The following RAB9B variants were observed in gnomAD, a reference collection of about 807,000 sequenced individuals.
The protein encoded by RAB9B is ras-related protein Rab-9B.
RAB9B carries 1 observed loss-of-function variant against 8.9 expected under a neutral mutation model. That is an observed-to-expected ratio of 0.11 (90% CI 0.04 to 0.53). The LOEUF is 0.53. RAB9B is among the 20% of genes least tolerant of loss of function. The pLI, the probability that RAB9B is intolerant of heterozygous loss-of-function variation, is 0.93. For synonymous variants in RAB9B, 63 were observed against 57.0 expected (o/e 1.10, Z -0.47); for missense variants, 82 against 152.9 (o/e 0.54, Z 2.45).
chrX:103,778,923 C>T, the RAB9B span, among the ~76,000 whole-genome samples: 1 of 112,101 alleles, frequency 8.9e-6, no homozygotes, highest in African/African-American at 3.2e-5. Flanking sequence ...AGCCAACCTT[C>T]AATGCGGGAT....
At chrX:103,819,509 G>A (rs2074651773), downstream of RAB9B, among the ~76,000 whole-genome samples, 1 of 111,194 alleles carries the variant, frequency 9.0e-6, no homozygotes, top group African/African-American at 3.3e-5. Flanking sequence ...TACAGGTGAC[G>A]ACGCCACATC....
At chrX:103,830,204 G>T (rs1393131176) in intron 1 of RAB9B, among the ~76,000 whole-genome samples, 4 of 110,462 alleles carry the variant, frequency 3.6e-5, no homozygotes, top group Non-Finnish European at 7.6e-5. Flanking sequence ...TTGTCGGTGG[G>T]TGCTGGCCTC....
At chrX:103,797,582 G>A in the RAB9B span, among the ~76,000 whole-genome samples, 1 of 111,709 alleles carries the variant, frequency 9.0e-6, no homozygotes, top group East Asian at 2.8e-4. Context: ...GAGCCTGATT[G>A]GTTGAGGCAG....
chrX:103,786,782 G>T, the RAB9B span: 1 of 1,156,485 alleles, frequency 8.6e-7, no homozygotes, highest in Non-Finnish European at 1.2e-6. Flanking sequence ...AATTGGGCGC[G>T]AGTCTGTGGC....
At chrX:103,820,400 G>T (rs150736411), downstream of RAB9B, among the ~76,000 whole-genome samples, 39 of 112,033 alleles carry the variant, frequency 3.5e-4, 1 homozygote, top group East Asian at 7.0e-3. Flanking sequence ...TGAAAGTAGA[G>T]ATGTCCATCC....
At chrX:103,829,278 T>C (rs956841408) in intron 1 of RAB9B, among the ~76,000 whole-genome samples, 2 of 111,839 alleles carry the variant, frequency 1.8e-5, no homozygotes, top group African/African-American at 6.5e-5. Context: ...ATCTCAGCAT[T>C]GAAGGGACCT....
chrX:103,785,078 C>CT, the RAB9B span, among the ~76,000 whole-genome samples: 213 of 105,878 alleles, frequency 2.0e-3, 2 homozygotes, highest in East Asian at 0.021. Flanking sequence ...TTCTTTCTTT[C>CT]TTTTTTTTTT....
chrX:103,786,683 G>A, the RAB9B span: 2 of 1,211,129 alleles, frequency 1.7e-6, no homozygotes, highest in Non-Finnish European at 1.1e-6. Context: ...TCTTTGGAGC[G>A]GGTGTGTCAT....
the RAB9B span, chrX:103,792,310 A>C: frequency 8.9e-6 from 1 of 112,468 alleles, no homozygotes; most frequent in Non-Finnish European, 1.9e-5. Context: ...TCCAGGCTGC[A>C]TAGAAGGAGG....
At chrX:103,815,597 A>G in the RAB9B span, among the ~76,000 whole-genome samples, 2 of 112,186 alleles carry the variant, frequency 1.8e-5, no homozygotes, top group African/African-American at 6.5e-5. Context: ...ATCAGGCAAG[A>G]AAAAGCAATA....
chrX:103,795,810 A>G, the RAB9B span, among the ~76,000 whole-genome samples: 1 of 112,316 alleles, frequency 8.9e-6, no homozygotes, highest in Non-Finnish European at 1.9e-5. Context: ...ACAAGCTCAG[A>G]GTGGTCTTAG....
At chrX:103,781,445 T>C in the RAB9B span, 3 of 207,052 alleles carry the variant, frequency 1.4e-5, no homozygotes, top group Non-Finnish European at 2.9e-5. Context: ...TAGCCAACCA[T>C]GACATGATCT....
intron 2 of RAB9B, among the ~76,000 whole-genome samples, chrX:103,826,513 G>C (rs2074683979): frequency 8.9e-6 from 1 of 111,884 alleles, no homozygotes; most frequent in African/African-American, 3.2e-5. Context: ...ATCTTGAATA[G>C]CTTATTAGTT....
the RAB9B span, among the ~76,000 whole-genome samples, chrX:103,805,263 C>A: frequency 9.0e-6 from 1 of 111,018 alleles, no homozygotes; most frequent in Admixed American, 9.6e-5. Flanking sequence ...CATTTTTTAC[C>A]CTTATTCTAA....
the RAB9B span, among the ~76,000 whole-genome samples, chrX:103,793,072 T>C: frequency 8.9e-6 from 1 of 112,100 alleles, no homozygotes. Context: ...ACGTGACTAA[T>C]ATTTAGTTTT....
At chrX:103,780,435 C>G in the RAB9B span, among the ~76,000 whole-genome samples, 2,225 of 68,338 alleles carry the variant, frequency 0.033, 64 homozygotes, top group African/African-American at 0.14. Flanking sequence ...CATTCTGTCT[C>G]TCTCTGTGTG....
In RAB9B at chrX:103,825,181, A is replaced by C. The variant is rs1266097474; in HGVS notation, c.604T>G (p.Ter202GluextTer2). ...CATTTTTAAAAGGCTCCCTATCTTT[A>C]ACAGCACGAAGACCCTGCTTTGGAG... ...SGSKAGSSCC[*>E] is the part of the protein sequence containing the mutation. The change falls in exon 3 of 3, where the codon TAA (stop) becomes GAA (glutamate). Residue 202 changes from the stop codon to glutamate (E), a stop_lost. Coordinates refer to ENST00000243298, the MANE Select transcript of RAB9B (RefSeq NM_016370.4). 8.3e-7 allele frequency: 1 copy of C among 1,202,652 alleles called. No homozygotes were observed. The highest frequency in any genetic ancestry group is 1.1e-6 in the Non-Finnish European group (1 of 891,940).
chrX:103,778,494 G>A, the RAB9B span, among the ~76,000 whole-genome samples: 1 of 111,466 alleles, frequency 9.0e-6, no homozygotes, highest in East Asian at 2.8e-4. Context: ...TGGATAGGTT[G>A]TGCATTAAAA....
chrX:103,790,179 C>A, the RAB9B span, among the ~76,000 whole-genome samples: 1 of 112,239 alleles, frequency 8.9e-6, no homozygotes, highest in South Asian at 3.7e-4. Context: ...ACAGCAAGCA[C>A]CCTATGACTC....
Sources: gnomAD v4.1 joint callset for allele counts (sites outside exome capture counted in the v4.1 genomes callset) on GRCh38, gnomAD v4.1.1 for gene constraint, MANE v1.5 for transcripts, NCBI Gene and HGNC (gene_info 2026-07-23, HGNC 2026-07-21) for gene names.